CADM4: variants seen among roughly 807,000 people sequenced by gnomAD.
The protein encoded by CADM4 is cell adhesion molecule 4, also known as TSLC1-like 2.
In CADM4, 13 loss-of-function variants were observed where a neutral mutation model predicts 43.9. The ratio of observed to expected loss-of-function variants is 0.30; its 90% CI spans 0.19 to 0.47. The LOEUF is 0.47. Ranked by LOEUF, CADM4 falls within the 20% of genes least tolerant of loss-of-function variation. The probability of loss-of-function intolerance (pLI) is 1.00; values close to 1 mark genes in which losing one functional copy is unlikely to be tolerated. For synonymous variants in CADM4, 209 were observed against 220.9 expected, an observed-to-expected ratio of 0.95 and a Z score of 0.48; for missense variants, 420 against 527.0, an observed-to-expected ratio of 0.80 and a Z score of 1.99.
At position 43,624,334 on chromosome 19, in the gene CADM4, G is replaced by A. The variant is rs1973488818; in HGVS notation, c.929-92C>T. ...CAAGCTTTTAAGCCATTCTGCACAC[G>A]TCTAACCGTGCCCTTTTATGTGCCA... On this transcript the variant is annotated intron_variant, in intron 7 of 8. Transcript: ENST00000222374. The A allele has an allele frequency of 2.7e-6, 4 of 1,507,296 alleles. No individual in the cohort carries two copies. In the South Asian group the frequency reaches 3.5e-5, roughly 13 times the overall value. 93.4% of individuals were successfully genotyped at this position (1,507,296 alleles called of 1,614,324 possible). A position where few individuals can be genotyped will look rare whatever the true frequency, so the allele number is the denominator to read the frequency against.
chr19:43,629,486 T>C (rs1425086620), intron 1 of CADM4, among the ~76,000 whole-genome samples: 1 of 152,186 alleles, frequency 6.6e-6, no homozygotes, highest in East Asian at 1.9e-4. Context: ...ATCTGTTGTC[T>C]TCAAAATAAC....
chr19:43,634,159 C>T (rs965332226), intron 1 of CADM4, among the ~76,000 whole-genome samples: 2 of 152,210 alleles, frequency 1.3e-5, no homozygotes, highest in African/African-American at 4.8e-5. Context: ...GGGAATGATG[C>T]CAGTGCCTGC....
At position 43,639,727 on chromosome 19, in the gene CADM4, C is replaced by G; in HGVS notation, c.64G>C (p.Gly22Arg). ...GGCCGACCCCGGCCCCCGACCCTAC[C>G]TGGCCCCGCCGCGGCCGCCCACAGC... ...LLLWAAAAGP[G>R]AGQEVQTENV... is the part of the protein sequence containing the mutation. The change falls in exon 1 of 9, where the codon GGG becomes CGG. Residue 22 changes from glycine (G) to arginine (R), a missense_variant and splice_region_variant. Gly to Arg is a moderately radical substitution (Grantham distance 125). Transcript: ENST00000222374. The G allele has an allele frequency of 9.9e-7, 1 of 1,010,370 alleles. No homozygotes were observed. Among genetic ancestry groups the G allele is most frequent in the Non-Finnish European group, 1.2e-6 (1 of 844,932 alleles). The allele number at this position is 1,010,370 out of a possible 1,614,324, so 62.6% of individuals were successfully genotyped here. A position where few individuals can be genotyped will look rare whatever the true frequency, so the allele number is the denominator to read the frequency against.
chr19:43,628,559 C>T (rs1433034664), intron 1 of CADM4, among the ~76,000 whole-genome samples: 1 of 152,148 alleles, frequency 6.6e-6, no homozygotes, highest in Admixed American at 6.5e-5. Context: ...CAAAGATAGC[C>T]GTAATATTCT....
At chr19:43,636,995 T>C (rs1232607095) in intron 1 of CADM4, among the ~76,000 whole-genome samples, 1 of 152,154 alleles carries the variant, frequency 6.6e-6, no homozygotes, top group East Asian at 1.9e-4. Context: ...CTATTCTTTC[T>C]TTGTATTGGA....
upstream of CADM4, among the ~76,000 whole-genome samples, chr19:43,641,495 C>G (rs1039637492): frequency 6.6e-6 from 1 of 151,994 alleles, no homozygotes; most frequent in Non-Finnish European, 1.5e-5. Context: ...ACCACGGCTC[C>G]CAGCATCCTC....
intron 7 of CADM4, 107 bp from the exon 8 acceptor site, chr19:43,624,349 T>A: frequency 7.2e-7 from 1 of 1,397,190 alleles, no homozygotes; most frequent in Non-Finnish European, 9.8e-7. Flanking sequence ...ACCGTGCCCT[T>A]TTATGTGCCA....
chr19:43,632,464 G>A (rs943321457), intron 1 of CADM4, among the ~76,000 whole-genome samples: 6 of 152,042 alleles, frequency 3.9e-5, no homozygotes, highest in South Asian at 2.1e-4. Context: ...AAAACCCTCC[G>A]AGGGCTGCCC....
In CADM4 at chr19:43,626,804, C is replaced by G; in HGVS notation, c.479G>C (p.Arg160Pro). ...GGTACCTTTCAGCTCCTTGCGGTCC[C>G]GGTACCAGCGCAGGGTGGCAGCCGG... Reference protein sequence around the residue: ...SRPAATLRWYRDRKELKGVSS... With the variant: ...SRPAATLRWYPDRKELKGVSS... The change falls in exon 4 of 9, where the codon CGG becomes CCG. Residue 160 changes from arginine to proline, a missense_variant. Arg to Pro is a moderately radical substitution (Grantham distance 103). Coordinates refer to ENST00000222374, the MANE Select transcript of CADM4 (RefSeq NM_145296.2). The surrounding 1 kb of genome is among the most constrained non-coding windows in gnomAD (Gnocchi z 5.9). 1.9e-6 allele frequency: 3 copies of G among 1,603,280 alleles called. No homozygotes were observed. Among genetic ancestry groups the G allele is most frequent in the Non-Finnish European group, 2.6e-6 (3 of 1,173,508 alleles).
chr19:43,624,068 GC>G (rs756471650), intron 8 of CADM4, 45 bp downstream of exon 8: 44 of 1,606,830 alleles, frequency 2.7e-5, no homozygotes, highest in Non-Finnish European at 3.5e-5. Context: ...CTCTTTCCGA[GC>G]CCTACAACCA....
Position 43,627,509 on chromosome 19 carries a change from G to A in CADM4, c.211+135C>T. The A allele has an allele frequency of 8.1e-7, 1 of 1,234,638 alleles. No homozygotes were observed. The highest frequency in any genetic ancestry group is 1.1e-6 in the Non-Finnish European group (1 of 904,436). The allele number at this position is 1,234,638 out of a possible 1,614,324, so 76.5% of individuals were successfully genotyped here. A position where few individuals can be genotyped will look rare whatever the true frequency, so the allele number is the denominator to read the frequency against. ...AGTCCTCCTGCCTGCAGGACCAGCA[G>A]TCCGGGACCCCAGCCCTTTCTTCTC... On this transcript the variant is annotated intron_variant, in intron 2 of 8. Coordinates refer to ENST00000222374, the MANE Select transcript of CADM4 (RefSeq NM_145296.2). The surrounding 1 kb of genome is among the most constrained non-coding windows in gnomAD (Gnocchi z 4.0).
chr19:43,634,652 G>A (rs940834811), intron 1 of CADM4, among the ~76,000 whole-genome samples: 1 of 152,206 alleles, frequency 6.6e-6, no homozygotes, highest in African/African-American at 2.4e-5. Context: ...GCTGAGCTTT[G>A]GGGACTGAGG....
chr19:43,634,724 G>A (rs1359592984), intron 1 of CADM4, among the ~76,000 whole-genome samples: 1 of 152,016 alleles, frequency 6.6e-6, no homozygotes, highest in African/African-American at 2.4e-5. Flanking sequence ...CTTGGAAAAG[G>A]GGACAGGGAG....
chr19:43,623,502 A>C lies in CADM4; in HGVS notation c.1058-63T>G. 1 of 1,015,992 alleles carries C rather than the reference A, an allele frequency of 9.8e-7. No individual in the cohort carries two copies. Among genetic ancestry groups the C allele is most frequent in the Non-Finnish European group, 1.6e-6 (1 of 636,692 alleles). The allele number at this position is 1,015,992 out of a possible 1,614,324, so 62.9% of individuals were successfully genotyped here. A position where few individuals can be genotyped will look rare whatever the true frequency, so the allele number is the denominator to read the frequency against. ...ATTTGTGGATCCAGGAGTTGGACAG[A>C]AGTATAAGGGAAGAGGGAGACAGAC... On this transcript the variant is annotated intron_variant, in intron 8 of 8. Transcript: ENST00000222374. This position sits in a 1 kb window ranked among gnomAD's most constrained non-coding sequence, Gnocchi z 4.4.
intron 1 of CADM4, among the ~76,000 whole-genome samples, chr19:43,636,563 G>A (rs1973706808): frequency 6.6e-6 from 1 of 152,096 alleles, no homozygotes; most frequent in Admixed American, 6.5e-5. Context: ...TGATGCCACA[G>A]GCCATTGGAT....
Position 43,626,009 on chromosome 19 carries a change from G to A in CADM4, c.665-8C>T. On this transcript the variant is annotated splice_polypyrimidine_tract_variant and splice_region_variant and intron_variant, in intron 5 of 8. Transcript: ENST00000222374. The surrounding 1 kb of genome is among the most constrained non-coding windows in gnomAD (Gnocchi z 5.9). Reference sequence around the variant, plus strand: ...TCCGGGCCGTGGGGGAGTCTGTTAGGCAAAAGTAAGAGGAGAGAGTAGTTT... The same window carrying A: ...TCCGGGCCGTGGGGGAGTCTGTTAGACAAAAGTAAGAGGAGAGAGTAGTTT... 1 of 1,614,142 alleles carries A rather than the reference G, an allele frequency of 6.2e-7. No homozygotes were observed. The highest frequency in any genetic ancestry group is 8.5e-7 in the Non-Finnish European group (1 of 1,180,008).
intron 1 of CADM4, among the ~76,000 whole-genome samples, chr19:43,638,797 C>T (rs949758650): frequency 1.3e-5 from 2 of 152,242 alleles, no homozygotes; most frequent in Admixed American, 6.5e-5. Context: ...CCCCCATTCT[C>T]ACTTCCCCAC....
In CADM4 at chr19:43,626,440, C is replaced by G; in HGVS notation, c.500-152G>C. ...CTCCAAGCTACGCCCCTCCCCTAACCAAGCCCACGTGCCTCCTCCCAAAGC... is the reference window on the plus strand; with the variant it reads ...CTCCAAGCTACGCCCCTCCCCTAACGAAGCCCACGTGCCTCCTCCCAAAGC... On this transcript the variant is annotated intron_variant, in intron 4 of 8. Coordinates refer to ENST00000222374, the MANE Select transcript of CADM4 (RefSeq NM_145296.2). This position sits in a 1 kb window ranked among gnomAD's most constrained non-coding sequence, Gnocchi z 5.9. 1 of 908,860 alleles carries G rather than the reference C, an allele frequency of 1.1e-6. No homozygotes were observed. The highest frequency in any genetic ancestry group is 1.7e-5 in the South Asian group (1 of 58,908). 56.3% of individuals were successfully genotyped at this position (908,860 alleles called of 1,614,324 possible). A position where few individuals can be genotyped will look rare whatever the true frequency, so the allele number is the denominator to read the frequency against.
chr19:43,634,323 A>T (rs113712727), intron 1 of CADM4, among the ~76,000 whole-genome samples: 1 of 152,294 alleles, frequency 6.6e-6, no homozygotes, highest in African/African-American at 2.4e-5. Context: ...CAGATCCTGG[A>T]CCTCAAGACT....
Sources: gnomAD v4.1 joint callset for allele counts (sites outside exome capture counted in the v4.1 genomes callset) on GRCh38, gnomAD v4.1.1 for gene constraint, Gnocchi (gnomAD v3.1) non-coding constraint, MANE v1.5 for transcripts, NCBI Gene and HGNC (gene_info 2026-07-23, HGNC 2026-07-21) for gene names.